The following ST3GAL1 variants were observed in gnomAD, a reference collection of about 807,000 sequenced individuals.
ST3GAL1 encodes the protein CMP-N-acetylneuraminate-beta-galactosamide-alpha-2,3-sialyltransferase 1.
In ST3GAL1, 16 loss-of-function variants were observed where a neutral mutation model predicts 34.1. The ratio of observed to expected loss-of-function variants is 0.47; its 90% CI spans 0.32 to 0.71. The LOEUF is 0.71. ST3GAL1 is among the 30% of genes least tolerant of loss of function. The pLI, the probability that ST3GAL1 is intolerant of heterozygous loss-of-function variation, is 0.04. For synonymous variants in ST3GAL1, 191 were observed against 184.7 expected, an observed-to-expected ratio of 1.03 and a Z score of -0.28; for missense variants, 353 against 447.4, an observed-to-expected ratio of 0.79 and a Z score of 1.90.
intron 1 of ST3GAL1, among the ~76,000 whole-genome samples, chr8:133,568,805 G>T (rs948746286): frequency 6.6e-6 from 1 of 152,002 alleles, no homozygotes; most frequent in African/African-American, 2.4e-5. Context: ...TGGCTCGGGG[G>T]CTGCTTGGTG....
chr8:133,507,635 C>T (rs946904079), intron 2 of ST3GAL1, among the ~76,000 whole-genome samples: 20 of 152,148 alleles, frequency 1.3e-4, no homozygotes, highest in African/African-American at 4.6e-4. Flanking sequence ...GAAAAGAAGA[C>T]GTATTGTTTC....
intron 1 of ST3GAL1, among the ~76,000 whole-genome samples, chr8:133,562,794 T>TTTCC (rs772597674): frequency 0.01 from 1,138 of 108,534 alleles, 18 homozygotes; most frequent in African/African-American, 0.021. Context: ...TCTTTCTTTC[T>TTTCC]TTCCTTCCTT....
chr8:133,565,396 T>G (rs1046490818), intron 1 of ST3GAL1, among the ~76,000 whole-genome samples: 45 of 152,120 alleles, frequency 3.0e-4, no homozygotes, highest in African/African-American at 1.1e-3. Flanking sequence ...CCTTGTGGTC[T>G]CTCTCTTCCA....
At chr8:133,529,580 G>T (rs1436452173) in intron 2 of ST3GAL1, among the ~76,000 whole-genome samples, 2 of 152,262 alleles carry the variant, frequency 1.3e-5, no homozygotes, top group African/African-American at 4.8e-5. Context: ...TGGGCTCTAG[G>T]GTAGATGGCC....
At chr8:133,484,978 C>T (rs10505608) in intron 3 of ST3GAL1, among the ~76,000 whole-genome samples, 2,126 of 152,300 alleles carry the variant, frequency 0.014, 47 homozygotes, top group East Asian at 0.094. Flanking sequence ...CTATGATCAA[C>T]GAATAAGGCT....
chr8:133,554,480 T>G (rs544730683), intron 1 of ST3GAL1, among the ~76,000 whole-genome samples: 1 of 152,132 alleles, frequency 6.6e-6, no homozygotes, highest in Non-Finnish European at 1.5e-5. Context: ...GTGAGAACTA[T>G]GAATCAAAGG....
chr8:133,475,568 C>T, intron 5 of ST3GAL1, 151 bp downstream of exon 5: 1 of 914,018 alleles, frequency 1.1e-6, no homozygotes, highest in Non-Finnish European at 1.6e-6. Context: ...GAGCACCTCA[C>T]TCTCATTACC....
chr8:133,522,914 T>A (rs2978009), intron 2 of ST3GAL1, among the ~76,000 whole-genome samples: 7 of 151,978 alleles, frequency 4.6e-5, no homozygotes, highest in African/African-American at 1.7e-4. Flanking sequence ...CCCTAGAGCC[T>A]AGGGCAGAGA....
rs1477517670 is a variant in ST3GAL1, at chr8:133,570,910, G to C, written c.-582+783C>G. Among the ~76,000 whole-genome samples the C allele has an allele frequency of 1.3e-5, 2 of 152,204 alleles. No individual in the cohort carries two copies. Among genetic ancestry groups the C allele is most frequent in the Admixed American group, 6.5e-5 (1 of 15,286 alleles). On this transcript the variant is annotated intron_variant, in intron 1 of 9. Coordinates refer to ENST00000522652, the MANE Select transcript of ST3GAL1 (RefSeq NM_173344.3). The surrounding 1 kb of genome is among the most constrained non-coding windows in gnomAD (Gnocchi z 5.6). Reference sequence around the variant, plus strand: ...TTTGTCAGATTATTTCTTGGGAGCTGCGACGCCTCACGGGGTTGGGGCGGA... The same window carrying C: ...TTTGTCAGATTATTTCTTGGGAGCTCCGACGCCTCACGGGGTTGGGGCGGA...
At chr8:133,483,140 G>A (rs967548748) in intron 3 of ST3GAL1, among the ~76,000 whole-genome samples, 15 of 152,156 alleles carry the variant, frequency 9.9e-5, no homozygotes, top group Non-Finnish European at 1.6e-4. Flanking sequence ...TCAGGAGTTC[G>A]AGACCAGCCT....
chr8:133,481,945 G>T (rs929539776), intron 3 of ST3GAL1, among the ~76,000 whole-genome samples: 1 of 152,010 alleles, frequency 6.6e-6, no homozygotes, highest in Non-Finnish European at 1.5e-5. Flanking sequence ...CTAGGTTCTT[G>T]GTTCCTTGGG....
rs916754753 is a variant in ST3GAL1 at position 133,455,992 on chromosome 8, C to A, written c.*3772G>T. 4.0e-5 allele frequency: 6 copies of A among 151,584 alleles called. No individual in the cohort carries two copies. Among genetic ancestry groups the A allele is most frequent in the South Asian group, 2.1e-4 (1 of 4,772 alleles). 9.4% of individuals were successfully genotyped at this position (151,584 alleles called of 1,614,324 possible). ...AACCAGCCGTTTCCCTAAAGAATCACCCAGATCTTAACTGCCCTCTCCACC... is the reference window on the plus strand; with the variant it reads ...AACCAGCCGTTTCCCTAAAGAATCAACCAGATCTTAACTGCCCTCTCCACC... On this transcript the variant is annotated 3_prime_UTR_variant, in exon 10 of 10. Transcript: ENST00000522652.
At chr8:133,540,489 A>G (rs1261480644) in intron 2 of ST3GAL1, among the ~76,000 whole-genome samples, 1 of 152,122 alleles carries the variant, frequency 6.6e-6, no homozygotes, top group Non-Finnish European at 1.5e-5. Context: ...AGGGGAAATG[A>G]CAGCAGCCAC....
chr8:133,475,627 C>T (rs763826031), intron 5 of ST3GAL1, 92 bp downstream of exon 5: 11 of 1,409,234 alleles, frequency 7.8e-6, no homozygotes, highest in Non-Finnish European at 9.3e-6. Flanking sequence ...AGGCCTCCCA[C>T]TCTTATCCAG....
At chr8:133,567,153 C>T (rs556088225) in intron 1 of ST3GAL1, 3 of 152,330 alleles carry the variant, frequency 2.0e-5, no homozygotes, top group East Asian at 3.9e-4. Flanking sequence ...GTGGAGGGAA[C>T]CTTTCCCTTC....
At chr8:133,562,677 C>T (rs1213304267) in intron 1 of ST3GAL1, among the ~76,000 whole-genome samples, 1 of 152,104 alleles carries the variant, frequency 6.6e-6, no homozygotes, top group Admixed American at 6.5e-5. Flanking sequence ...GGCTCCAGCA[C>T]ACTAAAGGCA....
At chr8:133,482,989 T>C (rs928627005) in intron 3 of ST3GAL1, among the ~76,000 whole-genome samples, 7 of 152,252 alleles carry the variant, frequency 4.6e-5, no homozygotes, top group South Asian at 2.1e-4. Context: ...TGTGTGTTCA[T>C]AGGCAAGGCA....
At chr8:133,483,595 G>A (rs1057225431) in intron 3 of ST3GAL1, among the ~76,000 whole-genome samples, 3 of 152,182 alleles carry the variant, frequency 2.0e-5, no homozygotes, top group Non-Finnish European at 2.9e-5. Flanking sequence ...CAAACCAGTG[G>A]TATTACACAA....
chr8:133,485,114 T>G (rs1047853717), intron 3 of ST3GAL1, among the ~76,000 whole-genome samples: 1 of 152,158 alleles, frequency 6.6e-6, no homozygotes, highest in Non-Finnish European at 1.5e-5. Context: ...GTTCCTATGC[T>G]GGCCACTGTC....
Sources: gnomAD v4.1 joint callset for allele counts (sites outside exome capture counted in the v4.1 genomes callset) on GRCh38, gnomAD v4.1.1 for gene constraint, Gnocchi (gnomAD v3.1) non-coding constraint, MANE v1.5 for transcripts, NCBI Gene and HGNC (gene_info 2026-07-23, HGNC 2026-07-21) for gene names.